PTPRD: variants seen among roughly 807,000 people sequenced by gnomAD.
PTPRD encodes the protein protein tyrosine phosphatase receptor type D.
PTPRD carries 34 observed loss-of-function variants against 214.5 expected under a neutral mutation model. The observed-to-expected ratio is 0.16, with a 90% CI of 0.12 to 0.21. The LOEUF (loss-of-function observed/expected upper bound fraction) is 0.21. Ranked by LOEUF, PTPRD falls within the 10% of genes least tolerant of loss-of-function variation. PTPRD has a pLI of 1.00. For missense variants in PTPRD, 2,545 were observed against 2,398.7 expected, an observed-to-expected ratio of 1.06 and a Z score of -1.27; for synonymous variants, 1,128 against 845.7, an observed-to-expected ratio of 1.33 and a Z score of -5.79.
intron 3 of PTPRD, among the ~76,000 whole-genome samples, chr9:10,171,398 C>G (rs1467207504): frequency 6.6e-6 from 1 of 152,108 alleles, no homozygotes; most frequent in Non-Finnish European, 1.5e-5. Context: ...CTCTCATTCT[C>G]TCTTGCCACG....
rs147080491 is a variant in PTPRD at position 9,862,083 on chromosome 9, C to A, written c.-368+76424G>T. On this transcript the variant is annotated intron_variant, in intron 5 of 45. Transcript: ENST00000381196. ...AAGATTATGTGCTAAATGCTACATA[C>A]ATTTGTAAACTCTCCCTATATATTA... Among the ~76,000 whole-genome samples the A allele has an allele frequency of 5.1e-3, 778 of 152,206 alleles. 9 individuals carry two copies. The highest frequency in any genetic ancestry group is 0.018 in the African/African-American group (746 of 41,544).
Position 9,589,946 on chromosome 9 carries a change from C to G in PTPRD, c.-286-15165G>C, listed in dbSNP as rs574306093. 2.0e-5 allele frequency among the ~76,000 whole-genome samples: 3 copies of G among 151,932 alleles called. No homozygotes were observed. The South Asian group carries it at 6.2e-4, about 32-fold the overall frequency. On this transcript the variant is annotated intron_variant, in intron 7 of 45. Transcript: ENST00000381196. ...TCATCTCGGCAATATCTATCCAAAG[C>G]GCTCAAACTATTCATACATTGTGAT...
chr9:9,573,778 T>C (rs541164919), intron 8 of PTPRD, among the ~76,000 whole-genome samples: 1 of 151,862 alleles, frequency 6.6e-6, no homozygotes, highest in South Asian at 2.1e-4. Flanking sequence ...ACACTTGTTT[T>C]AAACAATCCT....
At chr9:9,031,022 C>T (rs376489236) in intron 10 of PTPRD, among the ~76,000 whole-genome samples, 5 of 151,588 alleles carry the variant, frequency 3.3e-5, no homozygotes, top group African/African-American at 7.3e-5. Flanking sequence ...AAGGAGTGAA[C>T]GTACTTAAGA....
chr9:8,451,392 G>A (rs565534375), intron 33 of PTPRD, among the ~76,000 whole-genome samples: 6 of 152,090 alleles, frequency 3.9e-5, no homozygotes, highest in African/African-American at 1.4e-4. Context: ...ACCTGCCAAG[G>A]TACTGGCAGC....
At chr9:8,442,136 A>T (rs778381393) in intron 34 of PTPRD, among the ~76,000 whole-genome samples, 1 of 152,214 alleles carries the variant, frequency 6.6e-6, no homozygotes, top group Non-Finnish European at 1.5e-5. Context: ...AAATATCCTA[A>T]GTTTCCAAGA....
chr9:10,352,893 T>C lies in PTPRD; in HGVS notation c.-599-11876A>G, dbSNP rs192462609. Among the ~76,000 whole-genome samples, 5 of 152,112 alleles carry C rather than the reference T, an allele frequency of 3.3e-5. No individual in the cohort carries two copies. The East Asian group carries it at 7.7e-4, about 24-fold the overall frequency. ...TGCCCCTCTTTAAGCATAATACTGA[T>C]TCCTAAATGCTGCAATACCTTTAGG... is the stretch of plus-strand genomic sequence containing the variant. On this transcript the variant is annotated intron_variant, in intron 2 of 45. Coordinates refer to ENST00000381196, the MANE Select transcript of PTPRD (RefSeq NM_002839.4).
intron 8 of PTPRD, among the ~76,000 whole-genome samples, chr9:9,545,278 T>A (rs1461663526): frequency 1.3e-5 from 2 of 151,758 alleles, no homozygotes; most frequent in African/African-American, 4.8e-5. Flanking sequence ...TCCACTGTGC[T>A]AAAAATCCTC....
At chr9:8,473,048 C>T (rs4324967) in intron 30 of PTPRD, among the ~76,000 whole-genome samples, 37,576 of 152,064 alleles carry the variant, frequency 0.25, 4,767 homozygotes, top group East Asian at 0.32. Flanking sequence ...ACATCACAGG[C>T]CGGAGAGACG....
At chr9:8,940,480 A>C (rs2099026685) in intron 11 of PTPRD, among the ~76,000 whole-genome samples, 1 of 97,174 alleles carries the variant, frequency 1.0e-5, no homozygotes, top group Non-Finnish European at 2.1e-5. Flanking sequence ...TTTAATAGAG[A>C]CAGGGTTTCA....
chr9:9,751,325 AC>A (rs2098516951), intron 6 of PTPRD, among the ~76,000 whole-genome samples: 1 of 152,094 alleles, frequency 6.6e-6, no homozygotes, highest in South Asian at 2.1e-4. Context: ...ATTAACTCCA[AC>A]AAGTGGATAT....
intron 3 of PTPRD, among the ~76,000 whole-genome samples, chr9:10,304,188 A>G (rs2095971833): frequency 6.6e-6 from 1 of 152,222 alleles, no homozygotes; most frequent in South Asian, 2.1e-4. Flanking sequence ...ATAAATGCAG[A>G]AAAGGCTTCC....
At chr9:8,628,731 T>A (rs56349253) in intron 14 of PTPRD, among the ~76,000 whole-genome samples, 1 of 151,836 alleles carries the variant, frequency 6.6e-6, no homozygotes, top group Non-Finnish European at 1.5e-5. Context: ...TAGACTTGGG[T>A]ACTTCACGTA....
chr9:10,395,907 C>G (rs551349786), intron 2 of PTPRD, among the ~76,000 whole-genome samples: 1 of 149,466 alleles, frequency 6.7e-6, no homozygotes, highest in South Asian at 2.1e-4. Context: ...CCTGAAGTAG[C>G]AGAGGAAGAA....
At chr9:9,270,079 T>C (rs1286378907) in intron 9 of PTPRD, among the ~76,000 whole-genome samples, 1 of 151,136 alleles carries the variant, frequency 6.6e-6, no homozygotes, top group Non-Finnish European at 1.5e-5. Flanking sequence ...AGATCTGATG[T>C]ATTCTCACCA....
At chr9:10,231,096 G>A (rs1300101707) in intron 3 of PTPRD, among the ~76,000 whole-genome samples, 5 of 151,904 alleles carry the variant, frequency 3.3e-5, no homozygotes. Flanking sequence ...AGCTTCAAAA[G>A]CCAAATCTGG....
chr9:10,223,339 A>G (rs1404360187), intron 3 of PTPRD, among the ~76,000 whole-genome samples: 1 of 151,962 alleles, frequency 6.6e-6, no homozygotes, highest in African/African-American at 2.4e-5. Context: ...ATTGAAAGTC[A>G]GAACCTCCTG....
intron 7 of PTPRD, among the ~76,000 whole-genome samples, chr9:9,646,813 T>C (rs911924887): frequency 2.0e-5 from 3 of 152,192 alleles, no homozygotes; most frequent in African/African-American, 7.2e-5. Flanking sequence ...CAGGAAAAGA[T>C]GAACAACAAT....
At chr9:9,693,060 T>A (rs1205216423) in intron 7 of PTPRD, among the ~76,000 whole-genome samples, 1 of 152,064 alleles carries the variant, frequency 6.6e-6, no homozygotes, top group Non-Finnish European at 1.5e-5. Context: ...TCATATAATC[T>A]ACAAACAATG....
Sources: allele counts gnomAD v4.1 joint callset (sites outside exome capture counted in the v4.1 genomes callset), GRCh38; gene constraint gnomAD v4.1.1; transcripts MANE v1.5; gene names NCBI Gene and HGNC (gene_info 2026-07-23, HGNC 2026-07-21).